ADAMTS17: variants seen among roughly 807,000 people sequenced by gnomAD.
The protein encoded by ADAMTS17 is ADAM metallopeptidase with thrombospondin type 1 motif 17.
In ADAMTS17, 113 loss-of-function variants were observed where a neutral mutation model predicts 141.5. The observed-to-expected ratio is 0.80, with a 90% CI of 0.69 to 0.93. The LOEUF is 0.93. Among genes scored for constraint, ADAMTS17 ranks in the 40% least tolerant of loss-of-function variants. ADAMTS17 has a pLI of 0.00. For synonymous variants in ADAMTS17, 768 were observed against 630.6 expected (o/e 1.22, Z -3.27); for missense variants, 1,659 against 1,517.9 (o/e 1.09, Z -1.54).
chr15:100,186,595 G>C (rs11852968), intron 8 of ADAMTS17, among the ~76,000 whole-genome samples: 10,859 of 152,208 alleles, frequency 0.071, 533 homozygotes, highest in East Asian at 0.13. Flanking sequence ...AGCGCCCGGG[G>C]CAGGCAGGAA....
rs764382199 is a variant in ADAMTS17 at position 100,051,646 on chromosome 15, G to T, written c.2381C>A (p.Pro794Gln). ...VNRTAENQSE[P>Q]EKPQDSLFIW... is the part of the protein sequence containing the mutation. ...GAACAAAGAGTCCTGCGGTTTTTCT[G>T]GTTCGCTTTGATTTTCCGCAGTGCG... The change falls in exon 17 of 22, where the codon CCA (proline) becomes CAA (glutamine). Residue 794 changes from proline (P) to glutamine (Q), a missense_variant. Pro to Gln is a moderately conservative substitution (Grantham distance 76). Coordinates refer to ENST00000268070, the MANE Select transcript of ADAMTS17 (RefSeq NM_139057.4). 1 of 1,614,148 alleles carries T rather than the reference G, an allele frequency of 6.2e-7. No individual in the cohort carries two copies. Among genetic ancestry groups the T allele is most frequent in the Non-Finnish European group, 8.5e-7 (1 of 1,180,030 alleles).
At chr15:100,190,063 G>C (rs1327353514) in intron 8 of ADAMTS17, among the ~76,000 whole-genome samples, 1 of 152,242 alleles carries the variant, frequency 6.6e-6, no homozygotes, top group African/African-American at 2.4e-5. Context: ...TTACTTAGCA[G>C]AGGCCCTCTC....
intron 3 of ADAMTS17, among the ~76,000 whole-genome samples, chr15:100,320,303 G>A (rs1714330751): frequency 6.6e-6 from 1 of 152,162 alleles, no homozygotes; most frequent in South Asian, 2.1e-4. Flanking sequence ...ACGAGAGGGA[G>A]GCTGGGAAAA....
chr15:100,096,502 T>C (rs779742278), intron 14 of ADAMTS17, 26 bp from the exon 15 acceptor site: 2 of 1,614,000 alleles, frequency 1.2e-6, no homozygotes, highest in African/African-American at 1.3e-5. Flanking sequence ...GCCTCATTAT[T>C]CTGTGGTTAA....
intron 15 of ADAMTS17, among the ~76,000 whole-genome samples, chr15:100,065,929 T>G (rs1004265718): frequency 1.3e-5 from 2 of 152,198 alleles, no homozygotes; most frequent in Non-Finnish European, 2.9e-5. Flanking sequence ...TCTGTATCCA[T>G]GAATTCTCAT....
intron 4 of ADAMTS17, among the ~76,000 whole-genome samples, chr15:100,278,001 C>T (rs2044156414): frequency 6.6e-6 from 1 of 152,204 alleles, no homozygotes; most frequent in Non-Finnish European, 1.5e-5. Flanking sequence ...CATGAATGAA[C>T]TCTGTGGACA....
intron 7 of ADAMTS17, among the ~76,000 whole-genome samples, chr15:100,219,538 C>T (rs1485447858): frequency 2.6e-5 from 4 of 152,122 alleles, no homozygotes; most frequent in African/African-American, 7.2e-5. Context: ...AGAGCGTTAT[C>T]GTCCTCAGAT....
At chr15:100,108,183 T>C (rs958948567) in intron 14 of ADAMTS17, among the ~76,000 whole-genome samples, 29 of 151,118 alleles carry the variant, frequency 1.9e-4, no homozygotes, top group African/African-American at 3.4e-4. Context: ...CTTTTTTTTT[T>C]CCCCCCGAGA....
At chr15:100,254,982 T>C (rs1359289140) in intron 6 of ADAMTS17, among the ~76,000 whole-genome samples, 1 of 150,966 alleles carries the variant, frequency 6.6e-6, no homozygotes, top group Non-Finnish European at 1.5e-5. Flanking sequence ...CTGCACATCC[T>C]GCACATGTGC....
intron 7 of ADAMTS17, among the ~76,000 whole-genome samples, chr15:100,203,895 CT>C (rs1242720073): frequency 6.7e-6 from 1 of 148,310 alleles, no homozygotes; most frequent in Non-Finnish European, 1.5e-5. Flanking sequence ...AAGACTCTGT[CT>C]CAAAAAAAAA....
intron 7 of ADAMTS17, among the ~76,000 whole-genome samples, chr15:100,249,090 C>T (rs142951942): frequency 5.6e-4 from 86 of 152,290 alleles, no homozygotes; most frequent in Middle Eastern, 3.4e-3. Context: ...TCAGCCACCA[C>T]GCCTGGACCT....
intron 15 of ADAMTS17, among the ~76,000 whole-genome samples, chr15:100,078,885 A>C (rs904399556): frequency 6.6e-6 from 1 of 152,236 alleles, no homozygotes; most frequent in Non-Finnish European, 1.5e-5. Flanking sequence ...ATGACAATCC[A>C]ATTTAAAAAT....
chr15:100,091,964 T>G (rs1467704245), intron 15 of ADAMTS17, among the ~76,000 whole-genome samples: 1 of 152,222 alleles, frequency 6.6e-6, no homozygotes, highest in Non-Finnish European at 1.5e-5. Context: ...GACTGTGCCT[T>G]GGTTCGCCCC....
At chr15:100,321,002 T>C (rs2045717404) in intron 3 of ADAMTS17, among the ~76,000 whole-genome samples, 1 of 152,164 alleles carries the variant, frequency 6.6e-6, no homozygotes, top group Non-Finnish European at 1.5e-5. Flanking sequence ...TATCAGTAAA[T>C]CTAAATAATT....
intron 3 of ADAMTS17, among the ~76,000 whole-genome samples, chr15:100,317,435 C>T (rs570397857): frequency 6.9e-4 from 105 of 152,188 alleles, no homozygotes; most frequent in South Asian, 1.9e-3. Context: ...AAATGAGGAC[C>T]CAGGTTCCCA....
chr15:100,201,757 T>C (rs1198795887), intron 7 of ADAMTS17, among the ~76,000 whole-genome samples: 1 of 152,170 alleles, frequency 6.6e-6, no homozygotes, highest in Non-Finnish European at 1.5e-5. Context: ...ATGCAGACTA[T>C]TAAAAAAAAC....
chr15:100,304,487 T>G (rs754350730), intron 3 of ADAMTS17, among the ~76,000 whole-genome samples: 83 of 152,340 alleles, frequency 5.4e-4, no homozygotes, highest in Admixed American at 1.2e-3. Context: ...TGTTTCAAAC[T>G]TCCCGAAGTC....
In ADAMTS17 at chr15:99,977,410, T is replaced by A. The variant is rs1287213339; in HGVS notation, c.2950-1188A>T. Among the ~76,000 whole-genome samples the A allele has an allele frequency of 3.6e-4, 27 of 75,412 alleles. 1 individual carries two copies. Among genetic ancestry groups the A allele is most frequent in the African/African-American group, 1.5e-3 (23 of 15,840 alleles). 49.5% of individuals were successfully genotyped at this position (75,412 alleles called of 152,430 possible). ...TATATATATATATATAATTTTTTTT[T>A]TTTTTTTTTTTTTTTTTTTGAGATG... On this transcript the variant is annotated intron_variant, in intron 20 of 21. Coordinates refer to ENST00000268070, the MANE Select transcript of ADAMTS17 (RefSeq NM_139057.4).
intron 7 of ADAMTS17, among the ~76,000 whole-genome samples, chr15:100,221,304 A>C (rs985175143): frequency 1.3e-5 from 2 of 151,838 alleles, no homozygotes; most frequent in Non-Finnish European, 2.9e-5. Context: ...CAGTGACAGA[A>C]TTTGTCTCAC....
Sources: allele counts gnomAD v4.1 joint callset (sites outside exome capture counted in the v4.1 genomes callset), GRCh38; gene constraint gnomAD v4.1.1; transcripts MANE v1.5; gene names NCBI Gene and HGNC (gene_info 2026-07-23, HGNC 2026-07-21).